Variants in CNIH3 observed in about 807,000 individuals in gnomAD.
CNIH3 encodes the protein cornichon family AMPA receptor auxiliary protein 3.
A neutral mutation model predicts 24.1 loss-of-function variants in CNIH3; 14 were observed. The ratio of observed to expected loss-of-function variants is 0.58; its 90% CI spans 0.38 to 0.91. The LOEUF (loss-of-function observed/expected upper bound fraction) is 0.91, where lower values mean the gene tolerates loss of function less well. Among genes scored for constraint, CNIH3 ranks in the 40% least tolerant of loss-of-function variants. The probability of loss-of-function intolerance (pLI) is 0.00; values close to 1 mark genes in which losing one functional copy is unlikely to be tolerated. For missense variants in CNIH3, 178 were observed against 196.8 expected (o/e 0.90, Z 0.57); for synonymous variants, 68 against 73.8 (o/e 0.92, Z 0.40).
At chr1:224,481,223 A>G (rs1676799579) in intron 1 of CNIH3, among the ~76,000 whole-genome samples, 1 of 152,228 alleles carries the variant, frequency 6.6e-6, no homozygotes, top group African/African-American at 2.4e-5. Context: ...ACCTGCCCCT[A>G]TGATTCAGTT....
intron 3 of CNIH3, among the ~76,000 whole-genome samples, chr1:224,594,568 G>C (rs1233977939): frequency 1.3e-5 from 2 of 151,924 alleles, no homozygotes; most frequent in African/African-American, 2.4e-5. Context: ...ACCAGTGTAG[G>C]TCAGGAGGCA....
Position 224,476,837 on chromosome 1 carries a change from A to G in CNIH3, n.204-38904A>G, listed in dbSNP as rs114452295. On this transcript the variant is annotated intron_variant and non_coding_transcript_variant, in intron 1 of 5. Coordinates refer to the CNIH3 transcript ENST00000471578. ...TATATGAAACCACAAAAGACCTGGA[A>G]TAGCCAAAGCTATCCTAAGCAAAAA... Among the ~76,000 whole-genome samples, 1,465 of 152,346 alleles carry G rather than the reference A, an allele frequency of 9.6e-3. 24 individuals carry two copies. The highest frequency in any genetic ancestry group is 0.033 in the African/African-American group (1,357 of 41,580).
intron 4 of CNIH3, chr1:224,574,930 A>G (rs1680972488): frequency 1.0e-6 from 1 of 963,004 alleles, no homozygotes; most frequent in South Asian, 1.3e-5. Flanking sequence ...AACTTCAACC[A>G]TCTCCAGGTT....
At chr1:224,592,946 T>A (rs947735008), downstream of CNIH3, among the ~76,000 whole-genome samples, 7 of 152,258 alleles carry the variant, frequency 4.6e-5, no homozygotes, top group Non-Finnish European at 1.0e-4. Flanking sequence ...CAGTGCCTGT[T>A]TAGTGGTGCT....
intron 1 of CNIH3, among the ~76,000 whole-genome samples, chr1:224,498,517 T>C (rs1245771593): frequency 6.6e-6 from 1 of 152,354 alleles, no homozygotes; most frequent in Middle Eastern, 3.4e-3. Flanking sequence ...AGCTTCCCTG[T>C]CTTCTTTGAT....
Position 224,739,599 on chromosome 1 carries a change from C to A in CNIH3, c.*243C>A, listed in dbSNP as rs1689772975. 1.6e-6 allele frequency: 1 copy of A among 642,228 alleles called. No individual in the cohort carries two copies. The highest frequency in any genetic ancestry group is 2.6e-6 in the Non-Finnish European group (1 of 387,668). The allele number at this position is 642,228 out of a possible 1,614,324, so 39.8% of individuals were successfully genotyped here. On this transcript the variant is annotated 3_prime_UTR_variant, in exon 6 of 6. Transcript: ENST00000272133. The stretch of plus-strand genomic sequence containing the variant: ...GAATTCCACACACGGGGTCCTAGAG[C>A]CCTTCTGAGCATCAGTGGTGTGGGG...
chr1:224,471,343 T>G (rs924424221), intron 1 of CNIH3, among the ~76,000 whole-genome samples: 1 of 152,170 alleles, frequency 6.6e-6, no homozygotes, highest in Admixed American at 6.5e-5. Flanking sequence ...ATACTAGCTC[T>G]TATTCATTCA....
chr1:224,529,496 G>A (rs763509023), intron 2 of CNIH3: 2 of 152,182 alleles, frequency 1.3e-5, no homozygotes, highest in Non-Finnish European at 2.9e-5. Context: ...ACACAAGGAT[G>A]CTATCAAAGT....
chr1:224,486,780 A>T lies in CNIH3; in HGVS notation n.204-28961A>T, dbSNP rs575856069. Among the ~76,000 whole-genome samples the T allele has an allele frequency of 9.3e-4, 141 of 152,346 alleles. 2 individuals carry two copies. In the East Asian group the frequency reaches 0.022, roughly 24 times the overall value. ...CAAATTGAATAACACTACCTTCAAG[A>T]TGATTGTTTGGATTAGAAATAATGC... On this transcript the variant is annotated intron_variant and non_coding_transcript_variant, in intron 1 of 5. Transcript: ENST00000471578.
intron 3 of CNIH3, among the ~76,000 whole-genome samples, chr1:224,705,776 C>T (rs1242724681): frequency 6.6e-6 from 1 of 151,982 alleles, no homozygotes; most frequent in Non-Finnish European, 1.5e-5. Context: ...GCACCATTCA[C>T]TTGCCCTTCA....
At chr1:224,713,205 AATC>A (rs1298893019) in intron 3 of CNIH3, among the ~76,000 whole-genome samples, 16 of 152,214 alleles carry the variant, frequency 1.1e-4, no homozygotes, top group African/African-American at 3.9e-4. Flanking sequence ...AGTTTATTGA[AATC>A]ATAATCAATG....
At chr1:224,443,711 A>ATTTTTT (rs56248229) in intron 1 of CNIH3, among the ~76,000 whole-genome samples, 21 of 149,452 alleles carry the variant, frequency 1.4e-4, no homozygotes, top group African/African-American at 4.7e-4. Context: ...ATATATATAT[A>ATTTTTT]TTTTTTTAGG....
chr1:224,629,711 C>G (rs560505981), intron 1 of CNIH3, among the ~76,000 whole-genome samples: 17 of 152,068 alleles, frequency 1.1e-4, no homozygotes, highest in African/African-American at 4.1e-4. Flanking sequence ...TTTTGTGGCT[C>G]CTGTGATATT....
chr1:224,458,485 G>A lies in CNIH3; in HGVS notation n.203+23623G>A, dbSNP rs1558078515. 6.6e-6 allele frequency among the ~76,000 whole-genome samples: 1 copy of A among 152,224 alleles called. No individual in the cohort carries two copies. Among genetic ancestry groups the A allele is most frequent in the Non-Finnish European group, 1.5e-5 (1 of 68,026 alleles). On this transcript the variant is annotated intron_variant and non_coding_transcript_variant, in intron 1 of 5. Coordinates refer to the CNIH3 transcript ENST00000471578. The surrounding 1 kb of genome is among the most constrained non-coding windows in gnomAD (Gnocchi z 4.3). ...TCCTGACATCAGAGAGAAGGGCTGGGATTGTGGCCTGCGGTTGGTGGGCAG... is the reference window on the plus strand; with the variant it reads ...TCCTGACATCAGAGAGAAGGGCTGGAATTGTGGCCTGCGGTTGGTGGGCAG...
At chr1:224,733,044 C>G (rs769362488) in intron 4 of CNIH3, among the ~76,000 whole-genome samples, 1 of 152,118 alleles carries the variant, frequency 6.6e-6, no homozygotes. Context: ...CCAACAGGTC[C>G]AGACCAGTGA....
intron 3 of CNIH3, among the ~76,000 whole-genome samples, chr1:224,600,044 C>A (rs74149612): frequency 0.026 from 3,970 of 152,218 alleles, 178 homozygotes; most frequent in African/African-American, 0.09. Context: ...GGGTCCATAA[C>A]TCTAGAATGC....
intron 3 of CNIH3, among the ~76,000 whole-genome samples, chr1:224,594,354 T>A (rs1681889159): frequency 6.6e-6 from 1 of 152,176 alleles, no homozygotes; most frequent in Admixed American, 6.5e-5. Context: ...TTGGAGTAGA[T>A]CTTATCTAAG....
At chr1:224,641,861 C>T (rs1572642250) in intron 1 of CNIH3, among the ~76,000 whole-genome samples, 1 of 152,196 alleles carries the variant, frequency 6.6e-6, no homozygotes, top group African/African-American at 2.4e-5. Flanking sequence ...CTCCCAGGCC[C>T]CCACCTTGGA....
chr1:224,466,781 A>T (rs957522511), intron 1 of CNIH3, among the ~76,000 whole-genome samples: 1 of 152,162 alleles, frequency 6.6e-6, no homozygotes, highest in African/African-American at 2.4e-5. Flanking sequence ...TTTTTATTTT[A>T]TCACTCTGTT....
Sources: gnomAD v4.1 joint callset for allele counts (sites outside exome capture counted in the v4.1 genomes callset) on GRCh38, gnomAD v4.1.1 for gene constraint, Gnocchi (gnomAD v3.1) non-coding constraint, MANE v1.5 for transcripts, NCBI Gene and HGNC (gene_info 2026-07-23, HGNC 2026-07-21) for gene names.